The following PLD5 variants were observed in gnomAD, a reference collection of about 807,000 sequenced individuals.
PLD5 encodes inactive phospholipase D5.
A neutral mutation model predicts 61.1 loss-of-function variants in PLD5; 36 were observed. That is an observed-to-expected ratio of 0.59 (90% CI 0.45 to 0.78). The LOEUF (loss-of-function observed/expected upper bound fraction) is 0.78. Ranked by LOEUF, PLD5 falls within the 30% of genes least tolerant of loss-of-function variation. PLD5 has a pLI of 0.00. For synonymous variants in PLD5, 243 were observed against 242.8 expected (o/e 1.00, Z -0.01); for missense variants, 515 against 644.4 (o/e 0.80, Z 2.17).
At position 242,083,107 on chromosome 1, in the gene PLD5, G is replaced by A. The variant is rs1224212417; in HGVS notation, c.*6747C>T. 1 of 152,018 alleles carries A rather than the reference G, an allele frequency of 6.6e-6. No individual in the cohort carries two copies. The highest frequency in any genetic ancestry group is 6.5e-5 in the Admixed American group (1 of 15,276). 9.4% of individuals were successfully genotyped at this position (152,018 alleles called of 1,614,324 possible). ...GTCAAGTATTTCTCCAGTAAGCTAA[G>A]AGCAGAATGGTGAATCAACAAGACC... On this transcript the variant is annotated 3_prime_UTR_variant, in exon 10 of 10. Coordinates refer to ENST00000536534, the MANE Select transcript of PLD5 (RefSeq NM_001372062.1).
intron 1 of PLD5, among the ~76,000 whole-genome samples, chr1:242,438,386 C>G (rs531428901): frequency 1.2e-3 from 177 of 151,486 alleles, no homozygotes; most frequent in Non-Finnish European, 2.1e-3. Flanking sequence ...GCCTCAGTCT[C>G]CCAAATAGCT....
At chr1:242,438,578 A>G (rs1425271713) in intron 1 of PLD5, among the ~76,000 whole-genome samples, 3 of 151,256 alleles carry the variant, frequency 2.0e-5, no homozygotes, top group Non-Finnish European at 4.4e-5. Context: ...CTGAGTACTC[A>G]GATTACCGGC....
At chr1:242,117,201 C>T (rs1172080917) in intron 6 of PLD5, among the ~76,000 whole-genome samples, 1 of 152,174 alleles carries the variant, frequency 6.6e-6, no homozygotes, top group East Asian at 1.9e-4. Flanking sequence ...CATTTGCCAA[C>T]TCCCATCCTG....
chr1:242,344,685 A>C (rs1387634143), intron 2 of PLD5, among the ~76,000 whole-genome samples: 1 of 152,010 alleles, frequency 6.6e-6, no homozygotes, highest in Non-Finnish European at 1.5e-5. Context: ...ATTTTTAAGG[A>C]AAACGAAATT....
At chr1:242,294,024 C>T (rs544229416) in intron 2 of PLD5, among the ~76,000 whole-genome samples, 1 of 152,302 alleles carries the variant, frequency 6.6e-6, no homozygotes, top group South Asian at 2.1e-4. Context: ...TATACTCATA[C>T]TTCTCAAGGT....
intron 4 of PLD5, among the ~76,000 whole-genome samples, chr1:242,223,512 A>G (rs1050462871): frequency 2.0e-5 from 3 of 152,208 alleles, no homozygotes; most frequent in Non-Finnish European, 2.9e-5. Flanking sequence ...CCAGGGCCCC[A>G]GCAGAGCTGT....
At chr1:242,314,389 G>GT (rs1298143266) in intron 2 of PLD5, among the ~76,000 whole-genome samples, 1 of 152,190 alleles carries the variant, frequency 6.6e-6, no homozygotes, top group Non-Finnish European at 1.5e-5. Flanking sequence ...AACATCTTGT[G>GT]TAAGAATGGA....
At chr1:242,375,972 G>C (rs1325759566) in intron 1 of PLD5, among the ~76,000 whole-genome samples, 6 of 152,122 alleles carry the variant, frequency 3.9e-5, no homozygotes, top group Admixed American at 1.3e-4. Context: ...TAAGTCAACT[G>C]ATTTTTTTCT....
At chr1:242,306,668 T>C (rs1312593386) in intron 2 of PLD5, among the ~76,000 whole-genome samples, 3 of 152,020 alleles carry the variant, frequency 2.0e-5, no homozygotes, top group Non-Finnish European at 4.4e-5. Flanking sequence ...TCGCCCACCA[T>C]GTAACAAACA....
chr1:242,171,610 A>T (rs1240218532), intron 5 of PLD5, among the ~76,000 whole-genome samples: 2 of 152,168 alleles, frequency 1.3e-5, no homozygotes, highest in Non-Finnish European at 2.9e-5. Flanking sequence ...CTGGACAAAG[A>T]GTCAAGACCC....
At chr1:242,442,355 G>A in intron 1 of PLD5, among the ~76,000 whole-genome samples, 1 of 152,196 alleles carries the variant, frequency 6.6e-6, no homozygotes, top group Admixed American at 6.5e-5. Flanking sequence ...GTAGTGTGGT[G>A]AGCATGTGCC....
intron 1 of PLD5, among the ~76,000 whole-genome samples, chr1:242,417,665 T>C (rs1664904698): frequency 6.6e-6 from 1 of 152,182 alleles, no homozygotes; most frequent in Non-Finnish European, 1.5e-5. Context: ...CTGGATGAGG[T>C]CAAGAGCCCT....
rs1659428996 is a variant in PLD5, at chr1:242,085,980, A to C, written c.*3874T>G. ...GGTCTTTTCTCCCCCCTTGGAATTT[A>C]GTTCAATAAAAGTTCCTAAAAACAA... On this transcript the variant is annotated 3_prime_UTR_variant, in exon 10 of 10. Coordinates refer to ENST00000536534, the MANE Select transcript of PLD5 (RefSeq NM_001372062.1). 1 of 152,156 alleles carries C rather than the reference A, an allele frequency of 6.6e-6. No individual in the cohort carries two copies. Among genetic ancestry groups the C allele is most frequent in the Non-Finnish European group, 1.5e-5 (1 of 68,024 alleles). The allele number at this position is 152,156 out of a possible 1,614,324, so 9.4% of individuals were successfully genotyped here.
At chr1:242,275,634 A>G (rs1168730531) in intron 3 of PLD5, among the ~76,000 whole-genome samples, 1 of 152,220 alleles carries the variant, frequency 6.6e-6, no homozygotes. Context: ...AAGCAAATAC[A>G]GCCCAATATT....
At chr1:242,172,756 G>A (rs556673652) in intron 5 of PLD5, among the ~76,000 whole-genome samples, 62 of 152,112 alleles carry the variant, frequency 4.1e-4, no homozygotes, top group Non-Finnish European at 7.1e-4. Context: ...ACACCTCTAC[G>A]CATATAGACC....
chr1:242,527,114 C>CTTTTTTTTT (rs530334746), upstream of PLD5, among the ~76,000 whole-genome samples: 385 of 71,918 alleles, frequency 5.4e-3, 54 homozygotes, highest in African/African-American at 0.011. Context: ...CTATCTCCTT[C>CTTTTTTTTT]TTTTTTTTTT....
chr1:242,390,120 G>A lies in PLD5; in HGVS notation c.190-41878C>T, dbSNP rs1042880608. Reference sequence around the variant, plus strand: ...GTCTCCCAGGCTGGAGTGCAGTGGCGCCATCTCAGCTCACTGCAGTCTCTG... The same window carrying A: ...GTCTCCCAGGCTGGAGTGCAGTGGCACCATCTCAGCTCACTGCAGTCTCTG... On this transcript the variant is annotated intron_variant, in intron 1 of 9. Transcript: ENST00000536534. Among the ~76,000 whole-genome samples, 9 of 109,886 alleles carry A rather than the reference G, an allele frequency of 8.2e-5. No individual in the cohort carries two copies. The South Asian group carries it at 8.6e-4, about 11-fold the overall frequency. 72.1% of individuals were successfully genotyped at this position (109,886 alleles called of 152,430 possible).
chr1:242,391,050 C>G (rs1342546875), intron 1 of PLD5, among the ~76,000 whole-genome samples: 1 of 152,074 alleles, frequency 6.6e-6, no homozygotes, highest in Non-Finnish European at 1.5e-5. Flanking sequence ...AAAAAATTAG[C>G]CAGGTGTGGT....
chr1:242,297,631 T>C (rs57227562), intron 2 of PLD5, among the ~76,000 whole-genome samples: 39 of 1,792 alleles, frequency 0.022, no homozygotes, highest in African/African-American at 0.041. Context: ...CTTTTTTTTT[T>C]TTTTTTTTTT....
Sources: gnomAD v4.1 joint callset for allele counts (sites outside exome capture counted in the v4.1 genomes callset) on GRCh38, gnomAD v4.1.1 for gene constraint, MANE v1.5 for transcripts, NCBI Gene and HGNC (gene_info 2026-07-23, HGNC 2026-07-21) for gene names.